The following ATXN7L1 variants were observed in gnomAD, a reference collection of about 807,000 sequenced individuals.
The protein encoded by ATXN7L1 is ataxin 7 like 1, also known as ataxin-7-like protein 1.
In ATXN7L1, 15 loss-of-function variants were observed where a neutral mutation model predicts 70.8. That is an observed-to-expected ratio of 0.21 (90% confidence interval 0.14 to 0.33). The LOEUF is 0.33. ATXN7L1 is among the 10% of genes least tolerant of loss of function. ATXN7L1 has a pLI of 1.00. For missense variants in ATXN7L1, 975 were observed against 1,097.1 expected (o/e 0.89, Z 1.57); for synonymous variants, 440 against 445.1 (o/e 0.99, Z 0.14).
chr7:105,611,632 G>A (rs1278486384), intron 10 of ATXN7L1, among the ~76,000 whole-genome samples: 5 of 152,170 alleles, frequency 3.3e-5, no homozygotes, highest in African/African-American at 1.2e-4. Context: ...TCGGCCTCCC[G>A]AAATGCTGGG....
At chr7:105,618,908 G>A (rs550282789) in intron 9 of ATXN7L1, among the ~76,000 whole-genome samples, 1 of 152,308 alleles carries the variant, frequency 6.6e-6, no homozygotes, top group East Asian at 1.9e-4. Context: ...ACACTGGGAA[G>A]TGGATAGTAA....
At chr7:105,834,739 G>A (rs965723642) in intron 2 of ATXN7L1, among the ~76,000 whole-genome samples, 1 of 152,146 alleles carries the variant, frequency 6.6e-6, no homozygotes, top group East Asian at 1.9e-4. Flanking sequence ...TAGGCTTGCA[G>A]AAAAACAACT....
In ATXN7L1 at chr7:105,682,314, C is replaced by T. The variant is rs1191167140; in HGVS notation, c.356-17026G>A. Among the ~76,000 whole-genome samples, 7 of 152,044 alleles carry T rather than the reference C, an allele frequency of 4.6e-5. No homozygotes were observed. The South Asian group carries it at 6.2e-4, about 14-fold the overall frequency. Reference sequence around the variant, plus strand: ...ATACACTTAATTCCACAGAACTGTACGTTAAAAATTAAGATGGGTAAGTTT... The same window carrying T: ...ATACACTTAATTCCACAGAACTGTATGTTAAAAATTAAGATGGGTAAGTTT... On this transcript the variant is annotated intron_variant, in intron 3 of 11. Transcript: ENST00000419735.
intron 2 of ATXN7L1, among the ~76,000 whole-genome samples, chr7:105,797,778 C>CA (rs1806210143): frequency 6.6e-6 from 1 of 152,258 alleles, no homozygotes; most frequent in South Asian, 2.1e-4. Flanking sequence ...GGTGCGCCCT[C>CA]ACTCGGCAAA....
rs776057248 is a variant in ATXN7L1 at position 105,665,055 on chromosome 7, A to C, written c.578+11T>G. The C allele has an allele frequency of 6.5e-7, 1 of 1,548,088 alleles. No individual in the cohort carries two copies. The highest frequency in any genetic ancestry group is 1.2e-5 in the South Asian group (1 of 83,876). ...GACAGACAGCAGCTGGCTGCCAGCC[A>C]GCTGACTCACCATGGTTTATCCCTT... On this transcript the variant is annotated intron_variant, in intron 4 of 11. Transcript: ENST00000419735.
In ATXN7L1 at chr7:105,695,020, C is replaced by T. The variant is rs762328969; in HGVS notation, c.356-29732G>A. Among the ~76,000 whole-genome samples, 40 of 152,114 alleles carry T rather than the reference C, an allele frequency of 2.6e-4. 1 individual carries two copies. The highest frequency in any genetic ancestry group is 2.9e-5 in the Non-Finnish European group (2 of 68,004). On this transcript the variant is annotated intron_variant, in intron 3 of 11. Coordinates refer to ENST00000419735, the MANE Select transcript of ATXN7L1 (RefSeq NM_020725.2). The stretch of plus-strand genomic sequence containing the variant: ...ACAAAAATTAGTTGGGCGTGGTGGC[C>T]GGTGCCTGTAGTCCCAGCTACTCAG...
chr7:105,839,059 A>C (rs1812822487), intron 2 of ATXN7L1, among the ~76,000 whole-genome samples: 2 of 152,194 alleles, frequency 1.3e-5, no homozygotes, highest in African/African-American at 4.8e-5. Context: ...CCCTGCGGGA[A>C]GCCACCCATG....
intron 10 of ATXN7L1, among the ~76,000 whole-genome samples, chr7:105,613,319 G>A (rs1793335352): frequency 6.6e-6 from 1 of 152,184 alleles, no homozygotes; most frequent in African/African-American, 2.4e-5. Flanking sequence ...TTAGGAGGAG[G>A]TGGGGGTCGA....
intron 2 of ATXN7L1, among the ~76,000 whole-genome samples, chr7:105,816,029 T>A (rs1447201787): frequency 1.3e-5 from 2 of 152,226 alleles, no homozygotes; most frequent in Non-Finnish European, 2.9e-5. Context: ...GAATAATATT[T>A]AAATCACCAT....
rs1798429866 is a variant in ATXN7L1 at position 105,642,575 on chromosome 7, G to A, written c.862+263C>T. 4.6e-5 allele frequency among the ~76,000 whole-genome samples: 7 copies of A among 152,204 alleles called. No homozygotes were observed. In the South Asian group the frequency reaches 1.4e-3, roughly 32 times the overall value. ...ACCCTCGGAATCTACAGAGTAGGTC[G>A]GTGCAGAGCACCCTGCCTCCTGGGT... On this transcript the variant is annotated intron_variant, in intron 5 of 11. Transcript: ENST00000419735.
At chr7:105,765,800 A>G (rs998709344) in intron 3 of ATXN7L1, among the ~76,000 whole-genome samples, 1 of 152,208 alleles carries the variant, frequency 6.6e-6, no homozygotes, top group African/African-American at 2.4e-5. Flanking sequence ...AATCCGATCC[A>G]TGCTCAACAG....
intron 2 of ATXN7L1, among the ~76,000 whole-genome samples, chr7:105,816,211 A>G (rs1450661088): frequency 6.6e-6 from 1 of 152,142 alleles, no homozygotes; most frequent in African/African-American, 2.4e-5. Context: ...TCTAATTTAG[A>G]GGGGTTAATA....
At chr7:105,631,799 G>A (rs1035711648) in intron 7 of ATXN7L1, among the ~76,000 whole-genome samples, 10 of 152,230 alleles carry the variant, frequency 6.6e-5, no homozygotes, top group Non-Finnish European at 1.0e-4. Flanking sequence ...AGAGAGCAAA[G>A]GTTTACTTGC....
At chr7:105,848,125 A>G (rs937721662) in intron 2 of ATXN7L1, among the ~76,000 whole-genome samples, 1 of 152,254 alleles carries the variant, frequency 6.6e-6, no homozygotes, top group Non-Finnish European at 1.5e-5. Flanking sequence ...ATATAAGAAC[A>G]TACACAAAGC....
chr7:105,641,294 C>T (rs1036751337), intron 5 of ATXN7L1, among the ~76,000 whole-genome samples: 1 of 114,482 alleles, frequency 8.7e-6, no homozygotes, highest in Non-Finnish European at 1.7e-5. Context: ...CTGGTTTGCT[C>T]GGAGCCCTCT....
chr7:105,814,953 A>C (rs542875056), intron 2 of ATXN7L1, among the ~76,000 whole-genome samples: 4 of 152,316 alleles, frequency 2.6e-5, no homozygotes, highest in African/African-American at 9.6e-5. Context: ...ACAAAAGATC[A>C]TTTACTAGAA....
chr7:105,679,925 T>TA (rs144079213), intron 3 of ATXN7L1, among the ~76,000 whole-genome samples: 92 of 148,476 alleles, frequency 6.2e-4, no homozygotes, highest in African/African-American at 1.8e-3. Context: ...TCACCTCAAT[T>TA]AAAAAAAAAA....
intron 2 of ATXN7L1, among the ~76,000 whole-genome samples, chr7:105,799,400 G>A (rs1806475501): frequency 6.6e-6 from 1 of 152,116 alleles, no homozygotes; most frequent in African/African-American, 2.4e-5. Context: ...ATTCAGAGAT[G>A]AAGAAGAGAC....
intron 4 of ATXN7L1, among the ~76,000 whole-genome samples, chr7:105,664,538 T>C (rs944013912): frequency 2.7e-5 from 4 of 146,684 alleles, no homozygotes; most frequent in African/African-American, 1.0e-4. Flanking sequence ...ATAATATATA[T>C]ATGTATAATA....
Sources: gnomAD v4.1 joint callset for allele counts (sites outside exome capture counted in the v4.1 genomes callset) on GRCh38, gnomAD v4.1.1 for gene constraint, MANE v1.5 for transcripts, NCBI Gene and HGNC (gene_info 2026-07-23, HGNC 2026-07-21) for gene names.